The following AFAP1 variants were observed in gnomAD, a reference collection of about 807,000 sequenced individuals.
AFAP1 encodes the protein actin filament-associated protein 1.
Under a neutral mutation model 93.9 loss-of-function variants are expected in AFAP1, and 75 were observed. That is an observed-to-expected ratio of 0.80 (90% CI 0.66 to 0.97). The LOEUF is 0.97. Among genes scored for constraint, AFAP1 ranks in the 50% least tolerant of loss-of-function variants. AFAP1 has a pLI of 0.00. For synonymous variants in AFAP1, 517 were observed against 430.7 expected, an observed-to-expected ratio of 1.20 and a Z score of -2.48; for missense variants, 1,201 against 1,050.8, an observed-to-expected ratio of 1.14 and a Z score of -1.98.
chr4:7,884,666 C>T (rs1307531935), intron 1 of AFAP1, among the ~76,000 whole-genome samples: 7 of 152,116 alleles, frequency 4.6e-5, no homozygotes, highest in Non-Finnish European at 7.3e-5. Context: ...CCTTACCTTA[C>T]GTACACCAGA....
chr4:7,828,961 T>C (rs113498451), intron 6 of AFAP1, among the ~76,000 whole-genome samples: 6 of 152,304 alleles, frequency 3.9e-5, no homozygotes, highest in African/African-American at 7.2e-5. Context: ...TGGGAGGTAA[T>C]TGAATCATGG....
chr4:7,818,613 T>G (rs1048550143), intron 7 of AFAP1, among the ~76,000 whole-genome samples: 3 of 152,114 alleles, frequency 2.0e-5, no homozygotes, highest in Admixed American at 6.5e-5. Flanking sequence ...AAAAGGGGTG[T>G]ACAGATGACA....
intron 9 of AFAP1, among the ~76,000 whole-genome samples, chr4:7,806,851 T>C (rs956788073): frequency 2.6e-5 from 4 of 152,212 alleles, no homozygotes; most frequent in Non-Finnish European, 5.9e-5. Context: ...TCCTGCTCCC[T>C]GAGCGACCAA....
At chr4:7,834,606 G>A (rs1248095649) in intron 6 of AFAP1, among the ~76,000 whole-genome samples, 1 of 152,248 alleles carries the variant, frequency 6.6e-6, no homozygotes, top group Non-Finnish European at 1.5e-5. Context: ...AGCAAGGCCT[G>A]GGCCAAAATC....
At chr4:7,808,758 G>C (rs1475589047) in intron 9 of AFAP1, among the ~76,000 whole-genome samples, 1 of 152,154 alleles carries the variant, frequency 6.6e-6, no homozygotes, top group Non-Finnish European at 1.5e-5. Context: ...CTTCCCTGTA[G>C]TAATGAGGGA....
At chr4:7,798,732 C>T (rs992506491) in intron 10 of AFAP1, among the ~76,000 whole-genome samples, 3 of 152,162 alleles carry the variant, frequency 2.0e-5, no homozygotes, top group Admixed American at 6.5e-5. Context: ...TGAAATGCTA[C>T]CACTTTCTCT....
chr4:7,846,411 G>A (rs532501292), intron 4 of AFAP1, among the ~76,000 whole-genome samples: 2 of 152,310 alleles, frequency 1.3e-5, no homozygotes, highest in South Asian at 2.1e-4. Flanking sequence ...AGGCCAGACC[G>A]CAGATCGCGT....
At position 7,761,900 on chromosome 4, in the gene AFAP1, T is replaced by G. The variant is rs1327037558; in HGVS notation, c.*1865A>C. ...AGGTGTGTGGCGTCCCCGCCCGACCTGCCTGGATGTCCTAGTGGGAAGCTG... is the reference window on the plus strand; with the variant it reads ...AGGTGTGTGGCGTCCCCGCCCGACCGGCCTGGATGTCCTAGTGGGAAGCTG... On this transcript the variant is annotated 3_prime_UTR_variant, in exon 18 of 18. Transcript: ENST00000420658. The G allele has an allele frequency of 6.6e-6, 1 of 152,458 alleles. No individual in the cohort carries two copies. The highest frequency in any genetic ancestry group is 1.5e-5 in the Non-Finnish European group (1 of 68,166). 9.4% of individuals were successfully genotyped at this position (152,458 alleles called of 1,614,324 possible).
chr4:7,803,872 A>G (rs1349928768), intron 9 of AFAP1, among the ~76,000 whole-genome samples: 1 of 152,186 alleles, frequency 6.6e-6, no homozygotes, highest in East Asian at 1.9e-4. Flanking sequence ...CCCCAAAAAA[A>G]TCCCCTGGGA....
At chr4:7,898,043 C>G (rs570782233) in intron 1 of AFAP1, among the ~76,000 whole-genome samples, 99 of 152,260 alleles carry the variant, frequency 6.5e-4, no homozygotes, top group African/African-American at 2.3e-3. Context: ...TGTGCCAGAC[C>G]TAACCACTCC....
intron 17 of AFAP1, among the ~76,000 whole-genome samples, chr4:7,766,755 C>G (rs1714653392): frequency 6.6e-6 from 1 of 152,106 alleles, no homozygotes; most frequent in Non-Finnish European, 1.5e-5. Flanking sequence ...GCCTGGATGG[C>G]CCTTGGCACA....
At chr4:7,876,157 G>C (rs910722698) in intron 1 of AFAP1, among the ~76,000 whole-genome samples, 1 of 152,156 alleles carries the variant, frequency 6.6e-6, no homozygotes, top group Non-Finnish European at 1.5e-5. Context: ...AGGATGCATC[G>C]ATCCTAACTT....
At chr4:7,864,117 C>CATTCCCAACTTCCCATCACAACG (rs1716100812) in intron 3 of AFAP1, among the ~76,000 whole-genome samples, 2 of 2,856 alleles carry the variant, frequency 7.0e-4, no homozygotes, top group African/African-American at 1.5e-3. Flanking sequence ...CCATCACAAC[C>CATTCCCAACTTCCCATCACAACG]CATTCCCAAC....
intron 16 of AFAP1, among the ~76,000 whole-genome samples, chr4:7,769,708 G>A (rs148634027): frequency 1.4e-4 from 21 of 152,230 alleles, no homozygotes; most frequent in Admixed American, 2.6e-4. Flanking sequence ...AGGAAGAGAC[G>A]CTTCCTAGGA....
intron 6 of AFAP1, among the ~76,000 whole-genome samples, chr4:7,824,077 C>T (rs1204288160): frequency 6.6e-6 from 1 of 152,184 alleles, no homozygotes; most frequent in Admixed American, 6.5e-5. Flanking sequence ...CCAAGCTGCA[C>T]CTGCAGAGTT....
chr4:7,840,305 G>GGTGTGTGTGT (rs5855989), intron 5 of AFAP1, among the ~76,000 whole-genome samples: 5 of 131,180 alleles, frequency 3.8e-5, no homozygotes, highest in South Asian at 2.3e-4. Context: ...TTGTTTTTGG[G>GGTGTGTGTGT]GTGTGTGTGT....
intron 1 of AFAP1, among the ~76,000 whole-genome samples, chr4:7,881,884 A>G (rs1241316227): frequency 2.0e-5 from 3 of 152,186 alleles, no homozygotes; most frequent in Non-Finnish European, 2.9e-5. Context: ...TTGGGTAAGT[A>G]GCCCCCCCAA....
At chr4:7,893,700 C>G (rs546070293) in intron 1 of AFAP1, among the ~76,000 whole-genome samples, 1 of 152,060 alleles carries the variant, frequency 6.6e-6, no homozygotes, top group Non-Finnish European at 1.5e-5. Flanking sequence ...CAACTCACCA[C>G]CGGGGGTTCT....
chr4:7,803,853 CA>C (rs781141371), intron 9 of AFAP1, among the ~76,000 whole-genome samples: 6 of 152,142 alleles, frequency 3.9e-5, no homozygotes. Flanking sequence ...GTAATACCCC[CA>C]ATTTTCCCCC....
Sources: allele counts gnomAD v4.1 joint callset (sites outside exome capture counted in the v4.1 genomes callset), GRCh38; gene constraint gnomAD v4.1.1; transcripts MANE v1.5; gene names NCBI Gene and HGNC (gene_info 2026-07-23, HGNC 2026-07-21).